The following ZNFX1 variants were observed in gnomAD, a reference collection of about 807,000 sequenced individuals.
The protein encoded by ZNFX1 is zinc finger NFX1-type containing 1.
A neutral mutation model predicts 179.8 loss-of-function variants in ZNFX1; 78 were observed. The ratio of observed to expected loss-of-function variants is 0.43; its 90% CI spans 0.36 to 0.52. The LOEUF (loss-of-function observed/expected upper bound fraction) is 0.52. Ranked by LOEUF, ZNFX1 falls within the 20% of genes least tolerant of loss-of-function variation. ZNFX1 has a pLI of 0.00. For missense variants in ZNFX1, 1,927 were observed against 2,386.6 expected (o/e 0.81, Z 4.01); for synonymous variants, 848 against 868.5 (o/e 0.98, Z 0.42).
chr20:49,275,756 A>G (rs558131732), intron 2 of ZNFX1, 23 bp downstream of exon 2: 2 of 1,613,020 alleles, frequency 1.2e-6, no homozygotes, highest in African/African-American at 2.7e-5. Flanking sequence ...TTTCCTTCTC[A>G]TTAGGTAGGA....
At position 49,270,090 on chromosome 20, in the gene ZNFX1, G is replaced by A. The variant is rs746395121; in HGVS notation, c.1722C>T (p.Val574=). ...TAATTCTGGGATGTCTCAAACCCTC[G>A]ACATTTCTTAGAAATTCCCCAGTGG... ...PSATGEFLRN[V]EGLRHPRINV... The change falls in exon 3 of 14, where the codon GTC becomes GTT. Residue 574 remains valine, a synonymous_variant. Transcript: ENST00000396105. This position sits in a 1 kb window ranked among gnomAD's most constrained non-coding sequence, Gnocchi z 4.6. The A allele has an allele frequency of 2.0e-5, 32 of 1,614,072 alleles. No individual in the cohort carries two copies. The highest frequency in any genetic ancestry group is 6.7e-5 in the Admixed American group (4 of 60,002).
chr20:49,249,711 C>T lies in ZNFX1; in HGVS notation c.3313G>A (p.Gly1105Arg). The T allele has an allele frequency of 6.2e-7, 1 of 1,605,560 alleles. No homozygotes were observed. Among genetic ancestry groups the T allele is most frequent in the Non-Finnish European group, 8.5e-7 (1 of 1,174,722 alleles). ...ACAAAGAAAAGGTTGGAAGACACCCCCTGACAGGGAAAAGAAGTGACATGT... is the reference window on the plus strand; with the variant it reads ...ACAAAGAAAAGGTTGGAAGACACCCTCTGACAGGGAAAAGAAGTGACATGT... ...PSVLKYEKIK[G>R]VSSNLFFVEH... Residue 1105 changes from glycine to arginine, a missense_variant and splice_region_variant, in exon 14 of 14, where the codon GGG (glycine) becomes AGG (arginine). By Grantham distance (125) the Gly-to-Arg change is moderately radical (BLOSUM62 -2). Coordinates refer to ENST00000396105, the MANE Select transcript of ZNFX1 (RefSeq NM_021035.3).
rs1208791880 is a variant in ZNFX1 at position 49,270,980 on chromosome 20, T to C, written c.832A>G (p.Asn278Asp). ...TCAACACCAGAGGCTCTCAGAGCAT[T>C]AAGAGAGGTTGGCAGGAGGGAAACC... is the stretch of plus-strand genomic sequence containing the variant. ...MLVSLLPTSL[N>D]ALRASGVDIE... is the part of the protein sequence containing the mutation. Residue 278 changes from asparagine to aspartate, a missense_variant, in exon 3 of 14, where the codon AAT (asparagine) becomes GAT (aspartate). Physicochemically the swap from Asn to Asp is conservative, Grantham distance 23. Transcript: ENST00000396105. This position sits in a 1 kb window ranked among gnomAD's most constrained non-coding sequence, Gnocchi z 4.6. 2 of 1,614,080 alleles carry C rather than the reference T, an allele frequency of 1.2e-6. No individual in the cohort carries two copies. The highest frequency in any genetic ancestry group is 1.1e-5 in the South Asian group (1 of 91,078).
At chr20:49,262,599 G>T (rs1299459069) in intron 6 of ZNFX1, among the ~76,000 whole-genome samples, 1 of 152,078 alleles carries the variant, frequency 6.6e-6, no homozygotes, top group Non-Finnish European at 1.5e-5. Flanking sequence ...AATCTAGATT[G>T]CTTCACTTAT....
At chr20:49,264,911 A>G in intron 4 of ZNFX1, 47 bp from the exon 5 acceptor site, 1 of 1,613,114 alleles carries the variant, frequency 6.2e-7, no homozygotes, top group Non-Finnish European at 8.5e-7. Context: ...AGCTTATGCT[A>G]GGTTCTCTCA....
At chr20:49,256,040 G>A (rs1166214813) in intron 8 of ZNFX1, 93 bp from the exon 9 acceptor site, 12 of 1,454,630 alleles carry the variant, frequency 8.2e-6, no homozygotes, top group African/African-American at 1.4e-5. Context: ...AAGAAAAAGG[G>A]CTGGCATCAC....
At chr20:49,255,765 G>C (rs1478271350) in intron 9 of ZNFX1, 43 bp downstream of exon 9, 2 of 1,564,296 alleles carry the variant, frequency 1.3e-6, no homozygotes, top group Non-Finnish European at 1.7e-6. Context: ...AGGAACAGAA[G>C]AGGAACTCCC....
In ZNFX1 at chr20:49,247,089, G is replaced by A. The variant is rs1316861308; in HGVS notation, c.*178C>T. On this transcript the variant is annotated 3_prime_UTR_variant, in exon 14 of 14. Transcript: ENST00000396105. ...TCGCCATGTTGGTCAGGCTGGTCTC[G>A]AACTCCTGACCTCGTGATCCGCCTG... The A allele has an allele frequency of 2.4e-5, 18 of 762,842 alleles. No homozygotes were observed. The highest frequency in any genetic ancestry group is 3.3e-5 in the Non-Finnish European group (16 of 487,952). The allele number at this position is 762,842 out of a possible 1,614,324, so 47.3% of individuals were successfully genotyped here. A position where few individuals can be genotyped will look rare whatever the true frequency, so the allele number is the denominator to read the frequency against.
At chr20:49,274,048 T>C (rs1047298541) in intron 2 of ZNFX1, among the ~76,000 whole-genome samples, 4 of 152,194 alleles carry the variant, frequency 2.6e-5, no homozygotes, top group Non-Finnish European at 5.9e-5. Flanking sequence ...AGGAATCCAT[T>C]TGGTTGTTTA....
At chr20:49,257,329 G>A (rs997356093) in intron 8 of ZNFX1, 88 bp downstream of exon 8, 62 of 1,544,554 alleles carry the variant, frequency 4.0e-5, no homozygotes, top group Non-Finnish European at 3.6e-5. Context: ...AATTGTAATG[G>A]TGAAGTGAAT....
At chr20:49,253,144 C>T (rs903950681) in intron 11 of ZNFX1, among the ~76,000 whole-genome samples, 10 of 151,920 alleles carry the variant, frequency 6.6e-5, no homozygotes, top group East Asian at 1.9e-4. Context: ...TAATGGGGAG[C>T]GGAAAGGACA....
Position 49,265,752 on chromosome 20 carries a change from G to C in ZNFX1, c.2002+383C>G, listed in dbSNP as rs145252770. 2.9e-3 allele frequency among the ~76,000 whole-genome samples: 444 copies of C among 152,244 alleles called. 4 individuals carry two copies. Among genetic ancestry groups the C allele is most frequent in the African/African-American group, 0.01 (421 of 41,538 alleles). Reference sequence around the variant, plus strand: ...AAAATGCAAAAGAGACTTCACTTTGGGGCTATAGAAAAAGTCCACCTGAGA... The same window carrying C: ...AAAATGCAAAAGAGACTTCACTTTGCGGCTATAGAAAAAGTCCACCTGAGA... On this transcript the variant is annotated intron_variant, in intron 4 of 13. Transcript: ENST00000396105.
rs1014054246 is a variant in ZNFX1 at position 49,247,157 on chromosome 20, G to A, written c.*110C>T. The A allele has an allele frequency of 6.9e-7, 1 of 1,451,032 alleles. No homozygotes were observed. The highest frequency in any genetic ancestry group is 1.4e-5 in the African/African-American group (1 of 70,520). The allele number at this position is 1,451,032 out of a possible 1,614,324, so 89.9% of individuals were successfully genotyped here. On this transcript the variant is annotated 3_prime_UTR_variant, in exon 14 of 14. Transcript: ENST00000396105. ...GCTGGGATTACAGGCGTAAGCCACT[G>A]CGCCCAGCCTAAAAAGGATGATAAT...
In ZNFX1 at chr20:49,271,818, T is replaced by C. The variant is rs79814941; in HGVS notation, c.62-68A>G. The stretch of plus-strand genomic sequence containing the variant: ...TGTTGGAAACCCAACAGAACGACAA[T>C]GAACGTGCTTTCATTTTCCAAAATA... On this transcript the variant is annotated intron_variant, in intron 2 of 13. Transcript: ENST00000396105. The C allele has an allele frequency of 1.6e-3, 2,468 of 1,503,378 alleles. 34 individuals carry two copies. In the African/African-American group the frequency reaches 0.03, roughly 18 times the overall value. 93.1% of individuals were successfully genotyped at this position (1,503,378 alleles called of 1,614,324 possible).
rs1980735050 is a variant in ZNFX1 at position 49,248,390 on chromosome 20, A to T, written c.4634T>A (p.Val1545Asp). The T allele has an allele frequency of 6.2e-7, 1 of 1,611,178 alleles. No homozygotes were observed. Among genetic ancestry groups the T allele is most frequent in the Non-Finnish European group, 8.5e-7 (1 of 1,178,180 alleles). ...PCYVPCTKLL[V>D]CGHPCIGLCG... ...GAGACCAATGCAGGGGTGGCCACAA[A>T]CTAGCAGCTTAGTACAAGGCACATA... The change falls in exon 14 of 14, where the codon GTT becomes GAT. Residue 1545 changes from valine to aspartate, a missense_variant. Val to Asp is a radical substitution (Grantham distance 152). Coordinates refer to ENST00000396105, the MANE Select transcript of ZNFX1 (RefSeq NM_021035.3). This position sits in a 1 kb window ranked among gnomAD's most constrained non-coding sequence, Gnocchi z 4.6.
chr20:49,250,527 G>A (rs969139965), intron 13 of ZNFX1, among the ~76,000 whole-genome samples: 1 of 152,118 alleles, frequency 6.6e-6, no homozygotes, highest in African/African-American at 2.4e-5. Context: ...CCCCAGCCTG[G>A]TTTTGAACTC....
chr20:49,254,741 C>A, intron 9 of ZNFX1, 92 bp from the exon 10 acceptor site: 1 of 116,684 alleles, frequency 8.6e-6, no homozygotes, highest in Non-Finnish European at 1.7e-5. Flanking sequence ...ATGAAGTGAA[C>A]CTTGGACCCT....
chr20:49,256,141 A>C (rs1016085900), intron 8 of ZNFX1, among the ~76,000 whole-genome samples, 194 bp from the exon 9 acceptor site: 7 of 152,280 alleles, frequency 4.6e-5, no homozygotes, highest in Admixed American at 3.9e-4. Context: ...GCCTGGCTTC[A>C]AAGCCCTACT....
intron 5 of ZNFX1, among the ~76,000 whole-genome samples, chr20:49,264,416 C>A (rs1981188628): frequency 6.6e-6 from 1 of 152,132 alleles, no homozygotes; most frequent in African/African-American, 2.4e-5. Context: ...TGCTGCCCAG[C>A]TAAAAGATGA....
Sources: allele counts gnomAD v4.1 joint callset (sites outside exome capture counted in the v4.1 genomes callset), GRCh38; gene constraint gnomAD v4.1.1; non-coding constraint Gnocchi (gnomAD v3.1); transcripts MANE v1.5; gene names NCBI Gene and HGNC (gene_info 2026-07-23, HGNC 2026-07-21).